Variants in UNC13C observed in about 807,000 individuals in gnomAD.
The protein encoded by UNC13C is unc-13 homolog C, also known as protein unc-13 homolog C.
UNC13C carries 174 observed loss-of-function variants against 245.4 expected under a neutral mutation model. That is an observed-to-expected ratio of 0.71 (90% confidence interval 0.63 to 0.80). The LOEUF is 0.80. Ranked by LOEUF, UNC13C falls within the 30% of genes least tolerant of loss-of-function variation. The pLI is 0.00. For synonymous variants in UNC13C, 992 were observed against 895.1 expected (o/e 1.11, Z -1.93); for missense variants, 2,829 against 2,602.9 (o/e 1.09, Z -1.89).
chr15:54,313,566 CTT>C (rs1226001962), intron 13 of UNC13C, among the ~76,000 whole-genome samples: 2 of 151,648 alleles, frequency 1.3e-5, no homozygotes, highest in Non-Finnish European at 3.0e-5. Flanking sequence ...AAACTAAAAA[CTT>C]ATGTATATTT....
intron 30 of UNC13C, among the ~76,000 whole-genome samples, chr15:54,574,654 A>G (rs1897884913): frequency 6.6e-6 from 1 of 152,212 alleles, no homozygotes. Context: ...GATATTTTAT[A>G]TAGAAGTTAC....
rs760985588 is a variant in UNC13C, at chr15:54,013,614, C to A, written c.711C>A (p.Ser237Arg). Residue 237 changes from serine to arginine, a missense_variant, in exon 2 of 33, where the codon AGC (serine) becomes AGA (arginine). Transcript: ENST00000260323. ...GGTTCAGTTCCTCTGGCTGCATTAG[C>A]CAAACACATGATGTCATGGAAATGA... Reference protein sequence around the residue: ...EPGFSSSGCISQTHDVMEMIF... With the variant: ...EPGFSSSGCIRQTHDVMEMIF... The A allele has an allele frequency of 6.2e-7, 1 of 1,613,510 alleles. No homozygotes were observed. Among genetic ancestry groups the A allele is most frequent in the Non-Finnish European group, 8.5e-7 (1 of 1,179,698 alleles).
intron 4 of UNC13C, among the ~76,000 whole-genome samples, chr15:54,151,152 G>A (rs1425970383): frequency 6.6e-6 from 1 of 152,098 alleles, no homozygotes; most frequent in Non-Finnish European, 1.5e-5. Context: ...TACTGTATAA[G>A]ACTCCCCCAT....
chr15:54,593,650 T>G (rs1270507081), intron 30 of UNC13C, among the ~76,000 whole-genome samples: 1 of 152,172 alleles, frequency 6.6e-6, no homozygotes. Context: ...ATTTCATGCT[T>G]CTAAAAGTGT....
chr15:53,992,308 A>G (rs1055451709), intron 1 of UNC13C, among the ~76,000 whole-genome samples: 2 of 152,028 alleles, frequency 1.3e-5, no homozygotes, highest in Non-Finnish European at 2.9e-5. Context: ...AGCTTCTTCA[A>G]TATATAGCCT....
chr15:54,614,509 C>T (rs923442254), intron 30 of UNC13C, among the ~76,000 whole-genome samples: 12 of 151,996 alleles, frequency 7.9e-5, no homozygotes, highest in Non-Finnish European at 1.8e-4. Context: ...CCAACACTCA[C>T]TACAACCCAA....
chr15:54,308,301 G>C (rs1470801671), intron 13 of UNC13C, among the ~76,000 whole-genome samples: 1 of 151,734 alleles, frequency 6.6e-6, no homozygotes, highest in Non-Finnish European at 1.5e-5. Context: ...ACTATTAATG[G>C]TTAATAACTT....
chr15:53,999,577 T>G (rs771575431), intron 1 of UNC13C, among the ~76,000 whole-genome samples: 6 of 151,968 alleles, frequency 3.9e-5, no homozygotes, highest in Non-Finnish European at 7.4e-5. Context: ...CTTCTCTTAT[T>G]TTTGTTATTT....
chr15:54,013,607 G>A lies in UNC13C; in HGVS notation c.704G>A (p.Cys235Tyr), dbSNP rs368186923. ...ALEPGFSSSG[C>Y]ISQTHDVMEM... ...GAGCCAGGGTTCAGTTCCTCTGGCT[G>A]CATTAGCCAAACACATGATGTCATG... The change falls in exon 2 of 33, where the codon TGC becomes TAC. Residue 235 changes from cysteine (C) to tyrosine (Y), a missense_variant. Transcript: ENST00000260323. 61 of 1,613,488 alleles carry A rather than the reference G, an allele frequency of 3.8e-5. No homozygotes were observed. Among genetic ancestry groups the A allele is most frequent in the Non-Finnish European group, 5.0e-5 (59 of 1,179,742 alleles).
At chr15:54,215,719 T>C (rs540130415) in intron 4 of UNC13C, among the ~76,000 whole-genome samples, 1 of 152,022 alleles carries the variant, frequency 6.6e-6, no homozygotes, top group African/African-American at 2.4e-5. Flanking sequence ...AGAAAAATAG[T>C]GGTGAAATTA....
At position 54,069,815 on chromosome 15, in the gene UNC13C, C is replaced by T. The variant is rs1035315852; in HGVS notation, c.2983+53929C>T. Among the ~76,000 whole-genome samples, 5 of 152,200 alleles carry T rather than the reference C, an allele frequency of 3.3e-5. No homozygotes were observed. In the East Asian group the frequency reaches 9.6e-4, roughly 29 times the overall value. ...TGCAGCAGTTACTGGATCTGATTTT[C>T]TGTAGATAGTGAAGAGCCATGTGAG... On this transcript the variant is annotated intron_variant, in intron 2 of 32. Transcript: ENST00000260323.
intron 1 of UNC13C, among the ~76,000 whole-genome samples, chr15:53,984,132 T>C (rs1894033426): frequency 6.6e-6 from 1 of 152,124 alleles, no homozygotes; most frequent in South Asian, 2.1e-4. Flanking sequence ...CATATGTCAC[T>C]CCCTGATCAA....
intron 4 of UNC13C, among the ~76,000 whole-genome samples, chr15:54,191,942 G>T (rs557527331): frequency 2.0e-5 from 3 of 152,152 alleles, no homozygotes; most frequent in African/African-American, 7.2e-5. Flanking sequence ...GTAGATTCTA[G>T]ATATTAGCCC....
At chr15:54,407,712 C>T (rs1432591286) in intron 18 of UNC13C, among the ~76,000 whole-genome samples, 5 of 151,990 alleles carry the variant, frequency 3.3e-5, no homozygotes, top group South Asian at 2.1e-4. Context: ...ATATTGTTTT[C>T]GGTATAGAAG....
the UNC13C span, among the ~76,000 whole-genome samples, chr15:53,873,537 A>AT: frequency 1.8e-4 from 27 of 151,658 alleles, no homozygotes; most frequent in African/African-American, 5.3e-4. Flanking sequence ...CCTCTTTTGG[A>AT]TTTTTTTTCC....
chr15:54,086,122 G>C (rs1032451115), intron 2 of UNC13C, among the ~76,000 whole-genome samples: 2 of 152,124 alleles, frequency 1.3e-5, no homozygotes, highest in African/African-American at 4.8e-5. Context: ...CAATAAGTTA[G>C]TTAACCATAT....
chr15:54,074,174 G>T (rs1390560351), intron 2 of UNC13C, among the ~76,000 whole-genome samples: 1 of 152,158 alleles, frequency 6.6e-6, no homozygotes, highest in Non-Finnish European at 1.5e-5. Context: ...GTTTGCCAAA[G>T]ATCCGATGGT....
intron 29 of UNC13C, among the ~76,000 whole-genome samples, chr15:54,565,390 A>T (rs74014223): frequency 1.3e-3 from 192 of 152,136 alleles, no homozygotes; most frequent in African/African-American, 4.3e-3. Context: ...ACTACCACAG[A>T]TGCTGTCAAG....
the UNC13C span, among the ~76,000 whole-genome samples, chr15:53,918,084 T>A: frequency 9.2e-5 from 14 of 152,350 alleles, no homozygotes; most frequent in Middle Eastern, 3.4e-3. Flanking sequence ...CCTGCCAGAA[T>A]TTTATTTGCT....
Sources: allele counts gnomAD v4.1 joint callset (sites outside exome capture counted in the v4.1 genomes callset), GRCh38; gene constraint gnomAD v4.1.1; transcripts MANE v1.5; gene names NCBI Gene and HGNC (gene_info 2026-07-23, HGNC 2026-07-21).